The following TNKS variants were observed in gnomAD, a reference collection of about 807,000 sequenced individuals.
TNKS encodes the protein tankyrase, also known as poly [ADP-ribose] polymerase tankyrase-1.
Under a neutral mutation model 135.8 loss-of-function variants are expected in TNKS, and 72 were observed. The observed-to-expected ratio is 0.53, with a 90% CI of 0.44 to 0.64. The LOEUF (loss-of-function observed/expected upper bound fraction) is 0.64. Among genes scored for constraint, TNKS ranks in the 30% least tolerant of loss-of-function variants. The pLI, the probability that TNKS is intolerant of heterozygous loss-of-function variation, is 0.00. For synonymous variants in TNKS, 849 were observed against 649.3 expected (o/e 1.31, Z -4.68); for missense variants, 1,769 against 1,674.0 (o/e 1.06, Z -0.99).
chr8:9,640,405 C>T (rs1800683321), intron 3 of TNKS, among the ~76,000 whole-genome samples: 3 of 140,058 alleles, frequency 2.1e-5, no homozygotes, highest in Admixed American at 1.5e-4. Flanking sequence ...GGATTTTTAA[C>T]ATATGAACTT....
At chr8:9,772,444 G>T (rs1442266078) in intron 26 of TNKS, 2 of 453,642 alleles carry the variant, frequency 4.4e-6, no homozygotes, top group Admixed American at 4.7e-5. Context: ...TCAAAATGAG[G>T]AATGTTTTAC....
At chr8:9,697,714 G>A (rs576211347) in intron 5 of TNKS, among the ~76,000 whole-genome samples, 8 of 152,012 alleles carry the variant, frequency 5.3e-5, no homozygotes, top group Non-Finnish European at 1.2e-4. Context: ...TCAGAGAAAC[G>A]CAAATCACAA....
chr8:9,693,354 CAGAG>C (rs57560764), intron 5 of TNKS, among the ~76,000 whole-genome samples: 11,455 of 151,996 alleles, frequency 0.075, 462 homozygotes, highest in South Asian at 0.16. Flanking sequence ...AAAAAGAACT[CAGAG>C]AGAAAACAAA....
chr8:9,759,994 A>AC (rs1407962714), intron 20 of TNKS, among the ~76,000 whole-genome samples: 1,652 of 148,444 alleles, frequency 0.011, 13 homozygotes, highest in African/African-American at 0.023. Flanking sequence ...AAACAAAACA[A>AC]AAAAAAAAAA....
chr8:9,752,220 G>A (rs11249944), intron 19 of TNKS, among the ~76,000 whole-genome samples: 12,027 of 152,008 alleles, frequency 0.079, 544 homozygotes, highest in South Asian at 0.17. Flanking sequence ...GTAGCATTCT[G>A]TAGTATAAGA....
chr8:9,724,851 G>A (rs1340621862), intron 12 of TNKS, among the ~76,000 whole-genome samples: 8 of 152,148 alleles, frequency 5.3e-5, no homozygotes, highest in Non-Finnish European at 7.4e-5. Context: ...TTAGTAGACA[G>A]TCCGCATCAA....
chr8:9,698,393 C>CAAAAAAAA (rs1803628826), intron 5 of TNKS, among the ~76,000 whole-genome samples: 1 of 41,252 alleles, frequency 2.4e-5, no homozygotes, highest in African/African-American at 8.6e-5. Flanking sequence ...AAAAAAAAAG[C>CAAAAAAAA]TTAAGTATAT....
At chr8:9,640,807 C>T (rs1214342553) in intron 3 of TNKS, among the ~76,000 whole-genome samples, 1 of 145,774 alleles carries the variant, frequency 6.9e-6, no homozygotes, top group Non-Finnish European at 1.5e-5. Flanking sequence ...TGATATGAAA[C>T]AAGATCACTT....
intron 2 of TNKS, among the ~76,000 whole-genome samples, 184 bp downstream of exon 2, chr8:9,580,567 A>T (rs1300441771): frequency 1.3e-5 from 2 of 152,234 alleles, no homozygotes; most frequent in Non-Finnish European, 2.9e-5. Context: ...GAAGACTCAC[A>T]ACATTAACTT....
chr8:9,682,396 G>A (rs1401655418), intron 5 of TNKS, among the ~76,000 whole-genome samples: 1 of 152,028 alleles, frequency 6.6e-6, no homozygotes, highest in African/African-American at 2.4e-5. Flanking sequence ...TAAGGAACAT[G>A]ATCCCTGATA....
intron 3 of TNKS, among the ~76,000 whole-genome samples, chr8:9,627,397 T>C (rs1800101969): frequency 6.6e-6 from 1 of 152,160 alleles, no homozygotes; most frequent in African/African-American, 2.4e-5. Context: ...GAAGCACAGG[T>C]AAAACAACTT....
intron 18 of TNKS, among the ~76,000 whole-genome samples, chr8:9,749,220 C>G (rs560906464): frequency 6.6e-6 from 1 of 152,322 alleles, no homozygotes; most frequent in African/African-American, 2.4e-5. Context: ...TAATCAGCCA[C>G]AGTCTTCCCT....
At chr8:9,729,651 A>C (rs1805328504) in intron 13 of TNKS, among the ~76,000 whole-genome samples, 1 of 152,002 alleles carries the variant, frequency 6.6e-6, no homozygotes, top group African/African-American at 2.4e-5. Flanking sequence ...AACTCACTTA[A>C]CCTTCATCCC....
At chr8:9,659,679 G>C (rs1801599443) in intron 3 of TNKS, among the ~76,000 whole-genome samples, 1 of 152,132 alleles carries the variant, frequency 6.6e-6, no homozygotes, top group African/African-American at 2.4e-5. Context: ...AAAAGAACTA[G>C]AGAAGCAACA....
rs113700229 is a variant in TNKS at position 9,627,441 on chromosome 8, G to T, written c.994+11764G>T. Among the ~76,000 whole-genome samples the T allele has an allele frequency of 1.1e-4, 17 of 152,164 alleles. No individual in the cohort carries two copies. The East Asian group carries it at 1.5e-3, about 14-fold the overall frequency. On this transcript the variant is annotated intron_variant, in intron 3 of 26. Coordinates refer to ENST00000310430, the MANE Select transcript of TNKS (RefSeq NM_003747.3). ...TAATTGGCATCAGAAATGGCAGGTAGTCTTTGTGGGACTGAGCCCTCAACT... is the reference window on the plus strand; with the variant it reads ...TAATTGGCATCAGAAATGGCAGGTATTCTTTGTGGGACTGAGCCCTCAACT...
At chr8:9,575,118 G>C (rs1449657385) in intron 1 of TNKS, 3 of 965,384 alleles carry the variant, frequency 3.1e-6, no homozygotes, top group East Asian at 1.1e-4. Flanking sequence ...ACGGAGTCTC[G>C]CTCTGTTGCC....
chr8:9,701,424 A>G (rs943779716), intron 5 of TNKS, among the ~76,000 whole-genome samples: 46 of 152,208 alleles, frequency 3.0e-4, no homozygotes, highest in African/African-American at 1.1e-3. Flanking sequence ...TTTATGTAAT[A>G]TTAAATATTA....
intron 2 of TNKS, among the ~76,000 whole-genome samples, chr8:9,588,804 C>T (rs570759736): frequency 1.2e-3 from 187 of 152,206 alleles, no homozygotes; most frequent in Non-Finnish European, 2.3e-3. Flanking sequence ...TCAGACTGTT[C>T]CATCTCTAAT....
intron 2 of TNKS, among the ~76,000 whole-genome samples, chr8:9,586,420 G>A (rs942224492): frequency 6.6e-6 from 1 of 151,694 alleles, no homozygotes; most frequent in African/African-American, 2.4e-5. Context: ...GATTTCTGCT[G>A]TTTTTTTTCC....
Sources: gnomAD v4.1 joint callset for allele counts (sites outside exome capture counted in the v4.1 genomes callset) on GRCh38, gnomAD v4.1.1 for gene constraint, MANE v1.5 for transcripts, NCBI Gene and HGNC (gene_info 2026-07-23, HGNC 2026-07-21) for gene names.